YWHAQ: variants seen among roughly 807,000 people sequenced by gnomAD.
YWHAQ encodes the protein 14-3-3 protein theta.
A neutral mutation model predicts 28.3 loss-of-function variants in YWHAQ; 6 were observed. The observed-to-expected ratio is 0.21, with a 90% CI of 0.12 to 0.42. The LOEUF (loss-of-function observed/expected upper bound fraction) is 0.42. YWHAQ is among the 10% of genes least tolerant of loss of function. The pLI, the probability that YWHAQ is intolerant of heterozygous loss-of-function variation, is 1.00. For missense variants in YWHAQ, 201 were observed against 305.6 expected (o/e 0.66, Z 2.55); for synonymous variants, 143 against 119.1 (o/e 1.20, Z -1.31).
chr2:9,599,330 G>A (rs1265009489), intron 2 of YWHAQ, among the ~76,000 whole-genome samples: 2 of 152,172 alleles, frequency 1.3e-5, no homozygotes, highest in African/African-American at 4.8e-5. Flanking sequence ...TTATCCAGAA[G>A]ATCTAGCTAA....
rs541599158 is a variant in YWHAQ at position 9,623,418 on chromosome 2, C to T, written c.294+6741G>A. ...AATCCTAGCATAAAGCATGCAACAA[C>T]GATCTTCTTCCCAGGGGTTGTTTGG... On this transcript the variant is annotated intron_variant, in intron 2 of 5. Transcript: ENST00000238081. Among the ~76,000 whole-genome samples, 5 of 152,372 alleles carry T rather than the reference C, an allele frequency of 3.3e-5. No homozygotes were observed. The South Asian group carries it at 1.0e-3, about 32-fold the overall frequency.
At chr2:9,615,494 G>C (rs549493987) in intron 2 of YWHAQ, 20 of 152,196 alleles carry the variant, frequency 1.3e-4, no homozygotes, top group African/African-American at 4.3e-4. Context: ...TTGGAGGACA[G>C]AGGGAACAAT....
intron 2 of YWHAQ, among the ~76,000 whole-genome samples, chr2:9,597,029 T>C (rs1222736676): frequency 3.9e-5 from 6 of 152,352 alleles, no homozygotes. Flanking sequence ...AATTAGATTG[T>C]AATTTGTGGA....
chr2:9,598,121 C>T (rs1666616068), intron 2 of YWHAQ, among the ~76,000 whole-genome samples: 1 of 151,460 alleles, frequency 6.6e-6, no homozygotes, highest in East Asian at 1.9e-4. Flanking sequence ...CATGAGCCAC[C>T]GCACCCAGCC....
intron 2 of YWHAQ, among the ~76,000 whole-genome samples, chr2:9,606,742 G>A (rs768247495): frequency 2.0e-5 from 3 of 151,978 alleles, no homozygotes; most frequent in Non-Finnish European, 2.9e-5. Flanking sequence ...GTTGGTGAGT[G>A]TATATCCTTT....
chr2:9,592,358 A>G (rs1456807715), intron 2 of YWHAQ, among the ~76,000 whole-genome samples: 2 of 151,780 alleles, frequency 1.3e-5, no homozygotes, highest in Non-Finnish European at 2.9e-5. Context: ...TTGGAGTATA[A>G]AAAGTCACAA....
At chr2:9,590,948 C>T (rs767234235) in intron 3 of YWHAQ, among the ~76,000 whole-genome samples, 5 of 152,078 alleles carry the variant, frequency 3.3e-5, no homozygotes, top group Admixed American at 2.6e-4. Context: ...TTAAAATAGA[C>T]GATAATGAAT....
intron 2 of YWHAQ, among the ~76,000 whole-genome samples, chr2:9,614,506 T>C (rs1198375723): frequency 2.0e-5 from 3 of 152,120 alleles, no homozygotes; most frequent in East Asian, 3.8e-4. Context: ...AAAAGTCAAA[T>C]CTTGGTCTGG....
At chr2:9,599,529 C>T (rs1038787345) in intron 2 of YWHAQ, among the ~76,000 whole-genome samples, 1 of 152,044 alleles carries the variant, frequency 6.6e-6, no homozygotes, top group Admixed American at 6.6e-5. Flanking sequence ...TTTAGCATTC[C>T]AAAAATCCTA....
In YWHAQ at chr2:9,591,278, T is replaced by C. The variant is rs1572986938; in HGVS notation, c.418+114A>G. 3.1e-6 allele frequency: 4 copies of C among 1,274,428 alleles called. No homozygotes were observed. In the South Asian group the frequency reaches 7.8e-5, roughly 25 times the overall value. 78.9% of individuals were successfully genotyped at this position (1,274,428 alleles called of 1,614,324 possible). ...GTAATACTAATTTTCTTGACATACA[T>C]TCAATTATTAAGTCACAAAGAGCCT... On this transcript the variant is annotated intron_variant, in intron 3 of 5. Coordinates refer to ENST00000238081, the MANE Select transcript of YWHAQ (RefSeq NM_006826.4).
chr2:9,616,740 C>T lies in YWHAQ; in HGVS notation c.294+13419G>A, dbSNP rs143962617. ...CAGGATTGGTGAGGATGTAGAGAAA[C>T]TGGAACTCTCTTACACTGTGGTGGG... On this transcript the variant is annotated intron_variant, in intron 2 of 5. Coordinates refer to ENST00000238081, the MANE Select transcript of YWHAQ (RefSeq NM_006826.4). 4.6e-5 allele frequency among the ~76,000 whole-genome samples: 7 copies of T among 152,300 alleles called. No individual in the cohort carries two copies. The East Asian group carries it at 1.3e-3, about 29-fold the overall frequency.
chr2:9,594,691 T>C (rs1322459538), intron 2 of YWHAQ, among the ~76,000 whole-genome samples: 1 of 152,174 alleles, frequency 6.6e-6, no homozygotes, highest in Non-Finnish European at 1.5e-5. Flanking sequence ...GGTGAAGATA[T>C]TATTTATGGT....
At chr2:9,588,955 A>AAAT (rs1483616911) in intron 3 of YWHAQ, among the ~76,000 whole-genome samples, 1 of 151,922 alleles carries the variant, frequency 6.6e-6, no homozygotes, top group Non-Finnish European at 1.5e-5. Context: ...TCTCTACAAA[A>AAAT]AATAATAATA....
At chr2:9,618,545 C>T (rs1412558776) in intron 2 of YWHAQ, among the ~76,000 whole-genome samples, 3 of 152,174 alleles carry the variant, frequency 2.0e-5, no homozygotes, top group Non-Finnish European at 2.9e-5. Context: ...CTAGGTCTGT[C>T]ACCCAGGCTT....
intron 2 of YWHAQ, among the ~76,000 whole-genome samples, chr2:9,595,775 T>C (rs1666557949): frequency 6.6e-6 from 1 of 152,052 alleles, no homozygotes; most frequent in African/African-American, 2.4e-5. Context: ...CTGTACGTTA[T>C]TCTTATCAAT....
intron 3 of YWHAQ, among the ~76,000 whole-genome samples, chr2:9,588,657 G>C (rs1666396928): frequency 6.6e-6 from 1 of 152,162 alleles, no homozygotes; most frequent in Non-Finnish European, 1.5e-5. Flanking sequence ...TGTAATCCCA[G>C]CTACTCAGGA....
At chr2:9,616,372 A>G (rs1358086323) in intron 2 of YWHAQ, among the ~76,000 whole-genome samples, 3 of 152,010 alleles carry the variant, frequency 2.0e-5, no homozygotes, top group Non-Finnish European at 4.4e-5. Flanking sequence ...AGAAGAAATC[A>G]TAAGTATATA....
At chr2:9,612,142 A>G (rs1327291378) in intron 2 of YWHAQ, among the ~76,000 whole-genome samples, 3 of 152,216 alleles carry the variant, frequency 2.0e-5, no homozygotes, top group Admixed American at 2.0e-4. Flanking sequence ...AGTATTTTTG[A>G]AAATCTATCT....
At chr2:9,626,497 C>T (rs1471953017) in intron 2 of YWHAQ, among the ~76,000 whole-genome samples, 5 of 152,326 alleles carry the variant, frequency 3.3e-5, no homozygotes, top group South Asian at 4.1e-4. Flanking sequence ...TGGCACATCT[C>T]GGCTCACTGC....
Sources: gnomAD v4.1 joint callset for allele counts (sites outside exome capture counted in the v4.1 genomes callset) on GRCh38, gnomAD v4.1.1 for gene constraint, MANE v1.5 for transcripts, NCBI Gene and HGNC (gene_info 2026-07-23, HGNC 2026-07-21) for gene names.